The following RUBCN variants were observed in gnomAD, a reference collection of about 807,000 sequenced individuals.
RUBCN encodes the protein rubicon autophagy regulator.
RUBCN carries 74 observed loss-of-function variants against 113.2 expected under a neutral mutation model. That is an observed-to-expected ratio of 0.65 (90% CI 0.54 to 0.79). RUBCN has a LOEUF of 0.79. Ranked by LOEUF, RUBCN falls within the 30% of genes least tolerant of loss-of-function variation. The pLI, the probability that RUBCN is intolerant of heterozygous loss-of-function variation, is 0.00. For synonymous variants in RUBCN, 480 were observed against 490.0 expected, an observed-to-expected ratio of 0.98 and a Z score of 0.27; for missense variants, 1,109 against 1,251.7, an observed-to-expected ratio of 0.89 and a Z score of 1.72.
intron 4 of RUBCN, 95 bp downstream of exon 4, chr3:197,704,446 GA>G: frequency 8.1e-7 from 1 of 1,239,994 alleles, no homozygotes; most frequent in Non-Finnish European, 1.2e-6. Context: ...AAGAAAAAAA[GA>G]AAAATAGGAG....
At chr3:197,729,493 T>A (rs1479418734) in intron 1 of RUBCN, among the ~76,000 whole-genome samples, 1 of 152,146 alleles carries the variant, frequency 6.6e-6, no homozygotes, top group Non-Finnish European at 1.5e-5. Context: ...GACCTTGTGA[T>A]CCGCCTGCCT....
rs1216016949 is a variant in RUBCN, at chr3:197,681,881, G to A, written c.2145C>T (p.Ala715=). 1.9e-6 allele frequency: 3 copies of A among 1,613,864 alleles called. No individual in the cohort carries two copies. Among genetic ancestry groups the A allele is most frequent in the Non-Finnish European group, 2.5e-6 (3 of 1,179,910 alleles). The stretch of plus-strand genomic sequence containing the variant: ...ATCCTGCACAGCGGTAATTCTGCTT[G>A]GCCACGGCAATTTTCCTCCTGAGGA... ...HPAPTRKIAV[A]KQNYRCAGCG... Residue 715 remains alanine (A), a synonymous_variant, in exon 15 of 20, where the codon GCC becomes GCT. Transcript: ENST00000296343. This position sits in a 1 kb window ranked among gnomAD's most constrained non-coding sequence, Gnocchi z 5.5.
intron 1 of RUBCN, among the ~76,000 whole-genome samples, chr3:197,743,985 AAAAT>A (rs1728634829): frequency 6.6e-6 from 1 of 151,942 alleles, no homozygotes; most frequent in South Asian, 2.1e-4. Flanking sequence ...CTCTGTCTAA[AAAAT>A]AAATAAATAA....
rs1724661128 is a variant in RUBCN, at chr3:197,709,164, C to T, written c.220-3989G>A. Among the ~76,000 whole-genome samples the T allele has an allele frequency of 2.6e-5, 4 of 152,298 alleles. No individual in the cohort carries two copies. In the South Asian group the frequency reaches 8.3e-4, roughly 32 times the overall value. ...GTTTGAGTTACATATATTATCACTA[C>T]TTGATTTCCCTCACTTCGTCAATCA... On this transcript the variant is annotated intron_variant, in intron 2 of 19. Coordinates refer to ENST00000296343, the MANE Select transcript of RUBCN (RefSeq NM_014687.4).
intron 3 of RUBCN, 36 bp from the exon 4 acceptor site, chr3:197,704,737 C>A: frequency 6.2e-7 from 1 of 1,609,466 alleles, no homozygotes; most frequent in Non-Finnish European, 8.5e-7. Context: ...AAACACACAT[C>A]CTGGTAGATA....
chr3:197,683,237 G>T lies in RUBCN; in HGVS notation c.1980+70C>A, dbSNP rs921483432. Reference sequence around the variant, plus strand: ...CAGGCTCATTCCAGACTAGGGACATGTGACGAAGGAAAACAAGGTCACAGA... The same window carrying T: ...CAGGCTCATTCCAGACTAGGGACATTTGACGAAGGAAAACAAGGTCACAGA... On this transcript the variant is annotated intron_variant, in intron 13 of 19. Coordinates refer to ENST00000296343, the MANE Select transcript of RUBCN (RefSeq NM_014687.4). This position sits in a 1 kb window ranked among gnomAD's most constrained non-coding sequence, Gnocchi z 4.6. The T allele has an allele frequency of 4.8e-5, 76 of 1,591,458 alleles. No homozygotes were observed. The highest frequency in any genetic ancestry group is 6.7e-5 in the Admixed American group (4 of 60,000).
Position 197,671,717 on chromosome 3 carries a change from G to A in RUBCN, c.*3301C>T, listed in dbSNP as rs1421290062. ...AAGATGCTAGCTGCTCACAGAAGTG[G>A]GAACTGAAGCATCTAAGGCAAGTCA... On this transcript the variant is annotated 3_prime_UTR_variant, in exon 20 of 20. Transcript: ENST00000296343. The A allele has an allele frequency of 6.6e-6, 1 of 152,186 alleles. No individual in the cohort carries two copies. Among genetic ancestry groups the A allele is most frequent in the Non-Finnish European group, 1.5e-5 (1 of 68,040 alleles). 9.4% of individuals were successfully genotyped at this position (152,186 alleles called of 1,614,324 possible). A position where few individuals can be genotyped will look rare whatever the true frequency, so the allele number is the denominator to read the frequency against.
chr3:197,749,413 G>A, exon 1 of RUBCN: 3 of 1,216,050 alleles, frequency 2.5e-6, no homozygotes, highest in Non-Finnish European at 3.2e-6. Context: ...TCACTGCAGC[G>A]TTTGCTTTGC....
In RUBCN at chr3:197,675,473, C is replaced by T; in HGVS notation, c.2689G>A (p.Glu897Lys). The T allele has an allele frequency of 6.2e-7, 1 of 1,614,130 alleles. No homozygotes were observed. Residue 897 changes from glutamate to lysine, a missense_variant, in exon 19 of 20, where the codon GAG becomes AAG. Glu to Lys is a moderately conservative substitution (Grantham distance 56). Around this residue, in one of 3 missense-constraint regions of RUBCN, gnomAD observed 306 missense variants for 348.9 expected, o/e 0.88. Transcript: ENST00000296343. The surrounding 1 kb of genome is among the most constrained non-coding windows in gnomAD (Gnocchi z 4.4). ...KGFICEFCQN[E>K]DDIIFPFELH... Reference sequence around the variant, plus strand: ...TCAAAGGGAAAGATGATGTCATCCTCATTCTGACAGAACTCACAGATGAAG... The same window carrying T: ...TCAAAGGGAAAGATGATGTCATCCTTATTCTGACAGAACTCACAGATGAAG...
At chr3:197,724,842 G>C (rs1227472442) in intron 1 of RUBCN, among the ~76,000 whole-genome samples, 2 of 152,220 alleles carry the variant, frequency 1.3e-5, no homozygotes, top group East Asian at 3.8e-4. Context: ...GAACTGTAGA[G>C]AAGAGCAGAA....
In RUBCN at chr3:197,701,036, C is replaced by A. The variant is rs1723595373; in HGVS notation, c.838G>T (p.Val280Phe). 1 of 1,614,072 alleles carries A rather than the reference C, an allele frequency of 6.2e-7. No individual in the cohort carries two copies. Among genetic ancestry groups the A allele is most frequent in the Non-Finnish European group, 8.5e-7 (1 of 1,179,960 alleles). The change falls in exon 7 of 20, where the codon GTC becomes TTC. Residue 280 changes from valine to phenylalanine, a missense_variant. Physicochemically the swap from Val to Phe is conservative, Grantham distance 50. Coordinates refer to ENST00000296343, the MANE Select transcript of RUBCN (RefSeq NM_014687.4). ...GGGGAATCCCTGGCTAGTGCAGAGA[C>A]TGAAACTGGGGGGGCTTGGATGGTT... ...DQTIQAPPVS[V>F]SALARDSPLT...
chr3:197,726,585 G>C (rs986063082), intron 1 of RUBCN, among the ~76,000 whole-genome samples: 1 of 151,156 alleles, frequency 6.6e-6, no homozygotes, highest in African/African-American at 2.4e-5. Flanking sequence ...TGTCACCCAG[G>C]CTGGAGGGCA....
Position 197,674,670 on chromosome 3 carries a change from G to A in RUBCN, c.*348C>T, listed in dbSNP as rs1210470185. On this transcript the variant is annotated 3_prime_UTR_variant, in exon 20 of 20. Coordinates refer to ENST00000296343, the MANE Select transcript of RUBCN (RefSeq NM_014687.4). Reference sequence around the variant, plus strand: ...GAAAATTGGAAATGATACCTGACATGCAGGTGAAACCTAGAGGAGAAGGCC... The same window carrying A: ...GAAAATTGGAAATGATACCTGACATACAGGTGAAACCTAGAGGAGAAGGCC... 14 of 414,622 alleles carry A rather than the reference G, an allele frequency of 3.4e-5. 1 individual carries two copies. In the East Asian group the frequency reaches 6.5e-4, roughly 19 times the overall value. 25.7% of individuals were successfully genotyped at this position (414,622 alleles called of 1,614,324 possible). A position where few individuals can be genotyped will look rare whatever the true frequency, so the allele number is the denominator to read the frequency against.
intron 18 of RUBCN, chr3:197,676,463 G>A (rs963794066): frequency 4.4e-5 from 26 of 594,246 alleles, no homozygotes; most frequent in Non-Finnish European, 5.6e-5. Context: ...ACAGGCACCC[G>A]CCATCATGCC....
chr3:197,727,955 T>C (rs1261634956), intron 1 of RUBCN, among the ~76,000 whole-genome samples: 5 of 152,250 alleles, frequency 3.3e-5, no homozygotes, highest in Admixed American at 6.5e-5. Context: ...TTCAGGTAGA[T>C]GATTTAAAGG....
At chr3:197,676,383 G>A (rs1291179893) in intron 18 of RUBCN, 6 of 924,422 alleles carry the variant, frequency 6.5e-6, no homozygotes, top group East Asian at 2.0e-4. Context: ...GCATGATCTC[G>A]GCTCACTGCA....
chr3:197,699,790 A>C (rs1358678340), intron 7 of RUBCN, among the ~76,000 whole-genome samples: 1 of 152,148 alleles, frequency 6.6e-6, no homozygotes, highest in Non-Finnish European at 1.5e-5. Flanking sequence ...TTGCTAAAGA[A>C]ACCGCCCCCT....
At chr3:197,733,526 G>C (rs777116135) in intron 1 of RUBCN, among the ~76,000 whole-genome samples, 1 of 152,160 alleles carries the variant, frequency 6.6e-6, no homozygotes, top group Admixed American at 6.5e-5. Flanking sequence ...ATCTCATCAA[G>C]AAGACTGTTT....
Position 197,694,541 on chromosome 3 carries a change from G to A in RUBCN, c.1518C>T (p.Ile506=), listed in dbSNP as rs762477260. Residue 506 remains isoleucine (I), a synonymous_variant, in exon 10 of 20, where the codon ATC becomes ATT. Coordinates refer to ENST00000296343, the MANE Select transcript of RUBCN (RefSeq NM_014687.4). ...TCATCATGTTGCACTTCATTAGCTCGATGGCAGCAATTAAGGACTCTGAGA... is the reference window on the plus strand; with the variant it reads ...TCATCATGTTGCACTTCATTAGCTCAATGGCAGCAATTAAGGACTCTGAGA... The part of the protein sequence containing the change: ...FSISESLIAA[I]ELMKCNMMSQ... The A allele has an allele frequency of 7.0e-5, 113 of 1,614,034 alleles. 1 individual carries two copies. In the South Asian group the frequency reaches 1.1e-3, roughly 15 times the overall value.
Sources: gnomAD v4.1 joint callset for allele counts (sites outside exome capture counted in the v4.1 genomes callset) on GRCh38, gnomAD v4.1.1 for gene constraint, gnomAD v4.1.1 regional missense constraint, Gnocchi (gnomAD v3.1) non-coding constraint, MANE v1.5 for transcripts, NCBI Gene and HGNC (gene_info 2026-07-23, HGNC 2026-07-21) for gene names.